PDE1A: variants seen among roughly 807,000 people sequenced by gnomAD.
The protein encoded by PDE1A is phosphodiesterase 1A, also known as dual specificity calcium/calmodulin-dependent 3',5'-cyclic nucleotide phosphodiesterase 1A.
In PDE1A, 35 loss-of-function variants were observed where a neutral mutation model predicts 61.7. That is an observed-to-expected ratio of 0.57 (90% CI 0.43 to 0.75). The LOEUF is 0.75. Among genes scored for constraint, PDE1A ranks in the 30% least tolerant of loss-of-function variants. The probability of loss-of-function intolerance (pLI) is 0.00; values close to 1 mark genes in which losing one functional copy is unlikely to be tolerated. For missense variants in PDE1A, 597 were observed against 630.6 expected, an observed-to-expected ratio of 0.95 and a Z score of 0.57; for synonymous variants, 232 against 213.2, an observed-to-expected ratio of 1.09 and a Z score of -0.77.
chr2:182,253,300 T>C (rs571640189), intron 2 of PDE1A, among the ~76,000 whole-genome samples: 11 of 152,322 alleles, frequency 7.2e-5, no homozygotes, highest in Admixed American at 7.2e-4. Context: ...AATTGATTGA[T>C]TTCCTTAAAA....
chr2:182,189,914 C>T (rs1353569451), intron 10 of PDE1A, among the ~76,000 whole-genome samples: 2 of 152,150 alleles, frequency 1.3e-5, no homozygotes, highest in Admixed American at 6.5e-5. Context: ...TTTGAAAGAA[C>T]ATTTTAGGTT....
chr2:182,317,572 G>A (rs1297434333), intron 1 of PDE1A, among the ~76,000 whole-genome samples: 1 of 152,146 alleles, frequency 6.6e-6, no homozygotes, highest in Non-Finnish European at 1.5e-5. Flanking sequence ...AACAATGAGT[G>A]CTGCAACAAG....
chr2:182,367,278 T>C (rs1055071732), intron 1 of PDE1A, among the ~76,000 whole-genome samples: 6 of 152,080 alleles, frequency 3.9e-5, no homozygotes, highest in African/African-American at 1.4e-4. Context: ...GTTGGAACTA[T>C]TTAGTCTCTT....
At chr2:182,524,498 T>C (rs1690736711), upstream of PDE1A, among the ~76,000 whole-genome samples, 1 of 152,160 alleles carries the variant, frequency 6.6e-6, no homozygotes, top group Non-Finnish European at 1.5e-5. Context: ...GCTTTCACTA[T>C]GTAACTTCTA....
chr2:182,387,940 T>C (rs1009045711), intron 1 of PDE1A, among the ~76,000 whole-genome samples: 3 of 152,110 alleles, frequency 2.0e-5, no homozygotes, highest in African/African-American at 7.2e-5. Flanking sequence ...GCCTACCGCA[T>C]ACTTCAACTG....
At chr2:182,171,867 T>A (rs1245686796) in intron 13 of PDE1A, among the ~76,000 whole-genome samples, 2 of 151,706 alleles carry the variant, frequency 1.3e-5, no homozygotes, top group Non-Finnish European at 2.9e-5. Context: ...CAGTGCAACA[T>A]CCAACCCAAT....
At chr2:182,543,283 AACAT>A in the PDE1A span, among the ~76,000 whole-genome samples, 1 of 152,258 alleles carries the variant, frequency 6.6e-6, no homozygotes, top group African/African-American at 2.4e-5. Flanking sequence ...AATGAAATAA[AACAT>A]ACAGATTTGT....
chr2:182,364,905 A>G, intron 1 of PDE1A, among the ~76,000 whole-genome samples: 1 of 152,030 alleles, frequency 6.6e-6, no homozygotes, highest in African/African-American at 2.4e-5. Context: ...ACAGGCAAAT[A>G]TTGGCACTTT....
intron 2 of PDE1A, among the ~76,000 whole-genome samples, chr2:182,256,749 T>G (rs1045563924): frequency 1.8e-4 from 28 of 152,134 alleles, no homozygotes; most frequent in Non-Finnish European, 3.8e-4. Context: ...GCTAAATACG[T>G]TTTTTAAACT....
intron 7 of PDE1A, among the ~76,000 whole-genome samples, chr2:182,220,770 G>T (rs1002675892): frequency 1.3e-5 from 2 of 151,900 alleles, no homozygotes; most frequent in Non-Finnish European, 2.9e-5. Context: ...TTAGTTTCCA[G>T]ATTGGAAAAA....
the PDE1A span, among the ~76,000 whole-genome samples, chr2:182,561,414 T>G: frequency 1.3e-5 from 2 of 152,134 alleles, no homozygotes; most frequent in Admixed American, 1.3e-4. Flanking sequence ...CATTGATCTA[T>G]ATCTCTGTTT....
rs772310574 is a variant in PDE1A at position 182,206,110 on chromosome 2, A to T, written c.777-45T>A. Reference sequence around the variant, plus strand: ...TGCCCAACAGAGGATTTCTTTAGACATCATGAATGTCTAATAAGACTTACT... The same window carrying T: ...TGCCCAACAGAGGATTTCTTTAGACTTCATGAATGTCTAATAAGACTTACT... On this transcript the variant is annotated intron_variant, in intron 7 of 13. Transcript: ENST00000351439. 3 of 1,536,596 alleles carry T rather than the reference A, an allele frequency of 2.0e-6. No homozygotes were observed. In the South Asian group the frequency reaches 3.7e-5, roughly 19 times the overall value.
At chr2:182,283,589 T>G (rs1316057632) in intron 1 of PDE1A, among the ~76,000 whole-genome samples, 1 of 152,068 alleles carries the variant, frequency 6.6e-6, no homozygotes, top group Non-Finnish European at 1.5e-5. Flanking sequence ...TTTTCAACTT[T>G]TAGCTCAGAA....
intron 10 of PDE1A, among the ~76,000 whole-genome samples, chr2:182,195,021 C>A (rs1686023933): frequency 6.6e-6 from 1 of 151,714 alleles, no homozygotes; most frequent in Admixed American, 6.6e-5. Flanking sequence ...TAATTTTGTT[C>A]AAAACCAATA....
chr2:182,352,306 G>C (rs535939646), intron 1 of PDE1A, among the ~76,000 whole-genome samples: 2 of 152,260 alleles, frequency 1.3e-5, no homozygotes, highest in Non-Finnish European at 2.9e-5. Flanking sequence ...TGCCCCTGTG[G>C]GACTTGAGGA....
At chr2:182,518,531 G>A in intron 2 of PDE1A, among the ~76,000 whole-genome samples, 1 of 152,094 alleles carries the variant, frequency 6.6e-6, no homozygotes, top group Non-Finnish European at 1.5e-5. Context: ...TTAATATCTG[G>A]ACATTCGTCG....
intron 7 of PDE1A, among the ~76,000 whole-genome samples, chr2:182,212,158 T>C (rs1687663078): frequency 6.6e-6 from 1 of 150,944 alleles, no homozygotes; most frequent in East Asian, 2.0e-4. Context: ...AATAGATAAT[T>C]TTCTTTGAAT....
chr2:182,149,626 C>G (rs1044307101), intron 13 of PDE1A, among the ~76,000 whole-genome samples: 4 of 152,074 alleles, frequency 2.6e-5, no homozygotes, highest in African/African-American at 9.7e-5. Flanking sequence ...GTTGTAGACG[C>G]CTTTACAATT....
chr2:182,237,105 C>T (rs2125673645), intron 3 of PDE1A, among the ~76,000 whole-genome samples: 1 of 152,198 alleles, frequency 6.6e-6, no homozygotes, highest in East Asian at 1.9e-4. Flanking sequence ...TTCCTGGGCT[C>T]CTAAAGGTGG....
Sources: allele counts gnomAD v4.1 joint callset (sites outside exome capture counted in the v4.1 genomes callset), GRCh38; gene constraint gnomAD v4.1.1; transcripts MANE v1.5; gene names NCBI Gene and HGNC (gene_info 2026-07-23, HGNC 2026-07-21).